The following MAP4K4 variants were observed in gnomAD, a reference collection of about 807,000 sequenced individuals.
MAP4K4 encodes mitogen-activated protein kinase kinase kinase kinase 4.
A neutral mutation model predicts 189.6 loss-of-function variants in MAP4K4; 38 were observed. The ratio of observed to expected loss-of-function variants is 0.20; its 90% CI spans 0.15 to 0.26. The LOEUF (loss-of-function observed/expected upper bound fraction) is 0.26. Among genes scored for constraint, MAP4K4 ranks in the 10% least tolerant of loss-of-function variants. The pLI, the probability that MAP4K4 is intolerant of heterozygous loss-of-function variation, is 1.00. For synonymous variants in MAP4K4, 610 were observed against 624.3 expected, an observed-to-expected ratio of 0.98 and a Z score of 0.34; for missense variants, 1,054 against 1,726.9, an observed-to-expected ratio of 0.61 and a Z score of 6.91.
intron 12 of MAP4K4, among the ~76,000 whole-genome samples, chr2:101,852,313 G>A (rs1425861451): frequency 2.6e-5 from 4 of 152,114 alleles, no homozygotes; most frequent in Admixed American, 2.0e-4. Flanking sequence ...AATGCTAAGC[G>A]TTGGGTAAAT....
At chr2:101,849,579 A>C (rs1310298545) in intron 12 of MAP4K4, among the ~76,000 whole-genome samples, 10 of 150,654 alleles carry the variant, frequency 6.6e-5, no homozygotes, top group Admixed American at 5.3e-4. Flanking sequence ...AGGAAAAATG[A>C]AGCTTACTTA....
intron 3 of MAP4K4, among the ~76,000 whole-genome samples, chr2:101,794,358 A>T (rs2093413104): frequency 6.6e-6 from 1 of 152,212 alleles, no homozygotes; most frequent in South Asian, 2.1e-4. Flanking sequence ...TTTACCAGTG[A>T]TTGCTCAACT....
chr2:101,764,817 G>C (rs2077899715), intron 2 of MAP4K4, among the ~76,000 whole-genome samples: 1 of 151,880 alleles, frequency 6.6e-6, no homozygotes, highest in African/African-American at 2.4e-5. Flanking sequence ...CTTTTCTCCT[G>C]CATTCTCTCT....
At chr2:101,751,544 A>C (rs1226422367) in intron 2 of MAP4K4, among the ~76,000 whole-genome samples, 1 of 152,238 alleles carries the variant, frequency 6.6e-6, no homozygotes, top group Admixed American at 6.5e-5. Context: ...TATTGGGTAC[A>C]TACTGAATAC....
intron 2 of MAP4K4, among the ~76,000 whole-genome samples, chr2:101,721,276 GA>G (rs1313291348): frequency 6.6e-6 from 1 of 151,994 alleles, no homozygotes; most frequent in Non-Finnish European, 1.5e-5. Flanking sequence ...AATGGCTTTG[GA>G]GAGGTGCATT....
At chr2:101,715,308 G>T (rs1165072005) in intron 2 of MAP4K4, among the ~76,000 whole-genome samples, 1 of 152,126 alleles carries the variant, frequency 6.6e-6, no homozygotes, top group Non-Finnish European at 1.5e-5. Context: ...TTCTTCAAAA[G>T]GCCTTGTTTC....
chr2:101,864,676 C>A (rs1240871823), intron 17 of MAP4K4, among the ~76,000 whole-genome samples: 1 of 152,140 alleles, frequency 6.6e-6, no homozygotes, highest in Non-Finnish European at 1.5e-5. Context: ...TACCAAGCTT[C>A]AGTCCAAACA....
intron 3 of MAP4K4, among the ~76,000 whole-genome samples, chr2:101,798,893 CATTA>C (rs1287717295): frequency 6.6e-6 from 1 of 152,190 alleles, no homozygotes; most frequent in African/African-American, 2.4e-5. Context: ...TAGATGCTAA[CATTA>C]ATCATAAATA....
At chr2:101,752,017 C>T (rs1451136944) in intron 2 of MAP4K4, among the ~76,000 whole-genome samples, 1 of 152,068 alleles carries the variant, frequency 6.6e-6, no homozygotes, top group Non-Finnish European at 1.5e-5. Flanking sequence ...GAGCAGGTGA[C>T]CTCTGTGTTT....
intron 12 of MAP4K4, among the ~76,000 whole-genome samples, chr2:101,854,532 G>A (rs974129464): frequency 2.0e-5 from 3 of 152,192 alleles, no homozygotes; most frequent in Non-Finnish European, 4.4e-5. Flanking sequence ...GTAGTCAGGT[G>A]AGAGAGACTG....
At chr2:101,774,432 T>C (rs2082976054) in intron 2 of MAP4K4, among the ~76,000 whole-genome samples, 2 of 152,342 alleles carry the variant, frequency 1.3e-5, no homozygotes, top group South Asian at 4.1e-4. Flanking sequence ...TATAGCGTTG[T>C]TTGAGCTCTG....
chr2:101,826,732 A>G (rs2149365089), intron 5 of MAP4K4, among the ~76,000 whole-genome samples: 1 of 152,300 alleles, frequency 6.6e-6, no homozygotes, highest in South Asian at 2.1e-4. Flanking sequence ...ATGTTATTCA[A>G]CTTTCAGGAC....
intron 27 of MAP4K4, among the ~76,000 whole-genome samples, chr2:101,879,128 G>A (rs562723022): frequency 6.8e-6 from 1 of 147,376 alleles, no homozygotes; most frequent in South Asian, 2.1e-4. Flanking sequence ...CTGGGATATC[G>A]AGGCTGCAGT....
intron 2 of MAP4K4, among the ~76,000 whole-genome samples, chr2:101,774,070 A>G (rs891388720): frequency 6.6e-6 from 1 of 152,184 alleles, no homozygotes; most frequent in African/African-American, 2.4e-5. Context: ...TCTTGTGTGT[A>G]TATACCTAGC....
intron 12 of MAP4K4, among the ~76,000 whole-genome samples, chr2:101,852,771 G>T (rs563227242): frequency 2.9e-4 from 44 of 152,174 alleles, no homozygotes; most frequent in Non-Finnish European, 5.1e-4. Flanking sequence ...TGTGCAGCTT[G>T]TGTACTGAGC....
intron 2 of MAP4K4, among the ~76,000 whole-genome samples, chr2:101,788,504 T>C (rs1004803746): frequency 6.6e-6 from 1 of 152,220 alleles, no homozygotes; most frequent in Non-Finnish European, 1.5e-5. Context: ...AGATTAATTT[T>C]TCCCGGTACA....
exon 19 of MAP4K4, chr2:101,866,577 G>A (rs949478810): frequency 1.9e-6 from 3 of 1,611,586 alleles, no homozygotes; most frequent in South Asian, 1.1e-5. Context: ...TTCAGAGTGA[G>A]ATGTAAGCTG....
intron 3 of MAP4K4, chr2:101,797,251 A>G (rs981966023): frequency 1.5e-5 from 19 of 1,290,700 alleles, no homozygotes; most frequent in Non-Finnish European, 1.9e-5. Flanking sequence ...GTTATTCCTC[A>G]GAGGCCAGCT....
intron 3 of MAP4K4, among the ~76,000 whole-genome samples, chr2:101,804,520 G>A (rs1218339161): frequency 6.6e-6 from 1 of 152,116 alleles, no homozygotes; most frequent in Non-Finnish European, 1.5e-5. Context: ...TGATGTCCTT[G>A]GGGCTCTGAA....
Sources: gnomAD v4.1 joint callset for allele counts (sites outside exome capture counted in the v4.1 genomes callset) on GRCh38, gnomAD v4.1.1 for gene constraint, MANE v1.5 for transcripts, NCBI Gene and HGNC (gene_info 2026-07-23, HGNC 2026-07-21) for gene names.